CFHR3: variants seen among roughly 807,000 people sequenced by gnomAD.
The protein encoded by CFHR3 is complement factor H-related protein 3.
In CFHR3, 22 loss-of-function variants were observed where a neutral mutation model predicts 36.0. The observed-to-expected ratio is 0.61, with a 90% confidence interval of 0.44 to 0.87. CFHR3 has a LOEUF of 0.87. CFHR3 is among the 40% of genes least tolerant of loss of function. The pLI is 0.00. For synonymous variants in CFHR3, 97 were observed against 137.4 expected (o/e 0.71, Z 2.06); for missense variants, 276 against 401.3 (o/e 0.69, Z 2.67).
In CFHR3 at chr1:196,785,835, G is replaced by A. The variant is rs994454811; in HGVS notation, c.431-2381G>A. Among the ~76,000 whole-genome samples the A allele has an allele frequency of 1.2e-4, 17 of 137,220 alleles. 3 individuals carry two copies. The highest frequency in any genetic ancestry group is 1.7e-4 in the Non-Finnish European group (11 of 64,632). 90.0% of individuals were successfully genotyped at this position (137,220 alleles called of 152,430 possible). A position where few individuals can be genotyped will look rare whatever the true frequency, so the allele number is the denominator to read the frequency against. On this transcript the variant is annotated intron_variant, in intron 3 of 5. Coordinates refer to ENST00000367425, the MANE Select transcript of CFHR3 (RefSeq NM_021023.6). ...GTCATTCTCCGTCCAGCTTTGTTCCGTTGCTGGTGAGGAACTTTGTTCCTT... is the reference window on the plus strand; with the variant it reads ...GTCATTCTCCGTCCAGCTTTGTTCCATTGCTGGTGAGGAACTTTGTTCCTT...
In CFHR3 at chr1:196,792,865, A is replaced by G. The variant is rs111992622; in HGVS notation, c.797-452A>G. ...TACCTTTCTACAGTTCTGTTTCTAC[A>G]TTGTGGGCATAAGAGAAAAATATAA... On this transcript the variant is annotated intron_variant, in intron 5 of 5. Coordinates refer to ENST00000367425, the MANE Select transcript of CFHR3 (RefSeq NM_021023.6). Among the ~76,000 whole-genome samples the G allele has an allele frequency of 5.5e-3, 762 of 137,326 alleles. 202 individuals are homozygous for G. The highest frequency in any genetic ancestry group is 0.022 in the African/African-American group (737 of 33,078). The allele number at this position is 137,326 out of a possible 152,430, so 90.1% of individuals were successfully genotyped here. A position where few individuals can be genotyped will look rare whatever the true frequency, so the allele number is the denominator to read the frequency against.
Position 196,779,882 on chromosome 1 carries a change from C to T in CFHR3, c.339C>T (p.Ala113=), listed in dbSNP as rs947544441. The change falls in exon 3 of 6, where the codon GCC becomes GCT. Residue 113 remains alanine, a synonymous_variant. Transcript: ENST00000367425. ...KFVQGNSTEV[A]CHPGYGLPKA... ...TACAGGGTAACTCTACAGAAGTTGC[C>T]TGCCATCCTGGCTACGGTCTTCCAA... The T allele has an allele frequency of 1.3e-6, 2 of 1,533,266 alleles. No homozygotes were observed. Among genetic ancestry groups the T allele is most frequent in the South Asian group, 2.5e-5 (2 of 80,620 alleles). The allele number at this position is 1,533,266 out of a possible 1,614,324, so 95.0% of individuals were successfully genotyped here.
chr1:196,787,149 C>T lies in CFHR3; in HGVS notation c.431-1067C>T, dbSNP rs1353957635. Reference sequence around the variant, plus strand: ...AATTGAGACGAAAGATAATGGGAATCTTCCTACACCATTATAGGAGCAACT... The same window carrying T: ...AATTGAGACGAAAGATAATGGGAATTTTCCTACACCATTATAGGAGCAACT... On this transcript the variant is annotated intron_variant, in intron 3 of 5. Coordinates refer to ENST00000367425, the MANE Select transcript of CFHR3 (RefSeq NM_021023.6). 1.5e-5 allele frequency among the ~76,000 whole-genome samples: 2 copies of T among 137,188 alleles called. 1 individual carries two copies. Among genetic ancestry groups the T allele is most frequent in the Non-Finnish European group, 3.1e-5 (2 of 64,640 alleles). The allele number at this position is 137,188 out of a possible 152,430, so 90.0% of individuals were successfully genotyped here. A position where few individuals can be genotyped will look rare whatever the true frequency, so the allele number is the denominator to read the frequency against.
At chr1:196,789,580 C>T (rs536806925) in intron 4 of CFHR3, 8 of 1,217,626 alleles carry the variant, frequency 6.6e-6, no homozygotes, top group South Asian at 2.1e-5. Context: ...GTTAGTAAAT[C>T]GTTACATAAC....
At position 196,793,258 on chromosome 1, in the gene CFHR3, A is replaced by G. The variant is rs111307962; in HGVS notation, c.797-59A>G. ...TATCCTAAACTACTCATTAGGATGC[A>G]TTTTATTTGCTCATGAAAGAGAAAA... On this transcript the variant is annotated intron_variant, in intron 5 of 5. Transcript: ENST00000367425. 8.8e-4 allele frequency: 1,216 copies of G among 1,383,538 alleles called. 300 individuals carry two copies. The African/African-American group carries it at 0.02, about 22-fold the overall frequency. The allele number at this position is 1,383,538 out of a possible 1,614,324, so 85.7% of individuals were successfully genotyped here.
At chr1:196,782,516 C>T (rs144636196) in intron 3 of CFHR3, among the ~76,000 whole-genome samples, 38,026 of 135,048 alleles carry the variant, frequency 0.28, 10,776 homozygotes, top group East Asian at 0.51. Context: ...AGAGGTCCTT[C>T]GCGTCCCTTG....
At position 196,781,536 on chromosome 1, in the gene CFHR3, A is replaced by T. The variant is rs1653948221; in HGVS notation, c.430+1563A>T. Among the ~76,000 whole-genome samples the T allele has an allele frequency of 1.5e-5, 2 of 135,292 alleles. 1 individual carries two copies. Among genetic ancestry groups the T allele is most frequent in the African/African-American group, 6.3e-5 (2 of 31,936 alleles). The allele number at this position is 135,292 out of a possible 152,430, so 88.8% of individuals were successfully genotyped here. A position where few individuals can be genotyped will look rare whatever the true frequency, so the allele number is the denominator to read the frequency against. ...GTATCTCATTGTGGTTTTGATTTGC[A>T]TTTCTCTGATGGCCAGTGATGGTGA... On this transcript the variant is annotated intron_variant, in intron 3 of 5. Transcript: ENST00000367425.
chr1:196,786,284 G>A lies in CFHR3; in HGVS notation c.431-1932G>A, dbSNP rs546922202. The stretch of plus-strand genomic sequence containing the variant: ...ACCAACTTGAGGAGGCAGTCTGCCC[G>A]TTCTCAGATCTCCAGCTGCGTGCTG... On this transcript the variant is annotated intron_variant, in intron 3 of 5. Coordinates refer to ENST00000367425, the MANE Select transcript of CFHR3 (RefSeq NM_021023.6). Among the ~76,000 whole-genome samples the A allele has an allele frequency of 6.6e-5, 9 of 135,422 alleles. 2 individuals carry two copies. The highest frequency in any genetic ancestry group is 1.3e-4 in the African/African-American group (4 of 31,908). 88.8% of individuals were successfully genotyped at this position (135,422 alleles called of 152,430 possible).
chr1:196,788,907 C>T lies in CFHR3; in HGVS notation c.613+509C>T. On this transcript the variant is annotated intron_variant, in intron 4 of 5. Coordinates refer to ENST00000367425, the MANE Select transcript of CFHR3 (RefSeq NM_021023.6). ...ATCCAATCAAAAAATTATCTCTACC[C>T]TATTGTTTACTACAGAGAAAACAAG... is the stretch of plus-strand genomic sequence containing the variant. 3.5e-6 allele frequency: 5 copies of T among 1,418,336 alleles called. 1 individual carries two copies. Among genetic ancestry groups the T allele is most frequent in the East Asian group, 2.5e-5 (1 of 40,118 alleles). 87.9% of individuals were successfully genotyped at this position (1,418,336 alleles called of 1,614,324 possible). A position where few individuals can be genotyped will look rare whatever the true frequency, so the allele number is the denominator to read the frequency against.
At chr1:196,788,682 A>C in intron 4 of CFHR3, 5 of 1,454,272 alleles carry the variant, frequency 3.4e-6, no homozygotes, top group Non-Finnish European at 4.6e-6. Flanking sequence ...GTATCAGCAA[A>C]ATATGTTAGT....
Position 196,794,309 on chromosome 1 carries a change from A to G in CFHR3, c.*796A>G, listed in dbSNP as rs1654520911. 7.3e-6 allele frequency among the ~76,000 whole-genome samples: 1 copy of G among 136,110 alleles called. No homozygotes were observed. Among genetic ancestry groups the G allele is most frequent in the South Asian group, 2.5e-4 (1 of 3,922 alleles). 89.3% of individuals were successfully genotyped at this position (136,110 alleles called of 152,430 possible). ...GAAACCCTGTCTCTACTAAAAATAGAAAAACTAGCTCGGCATGATGGCGTG... is the reference window on the plus strand; with the variant it reads ...GAAACCCTGTCTCTACTAAAAATAGGAAAACTAGCTCGGCATGATGGCGTG... On this transcript the variant is annotated 3_prime_UTR_variant, in exon 6 of 6. Transcript: ENST00000367425.
chr1:196,777,982 T>TAAAAAAAA (rs202127437), intron 1 of CFHR3, among the ~76,000 whole-genome samples: 1 of 89,882 alleles, frequency 1.1e-5, no homozygotes, highest in African/African-American at 5.0e-5. Context: ...ACAAGACTGT[T>TAAAAAAAA]AAAAAAAAAA....
chr1:196,777,401 G>C lies in CFHR3; in HGVS notation c.59-1761G>C, dbSNP rs1431224306. On this transcript the variant is annotated intron_variant, in intron 1 of 5. Transcript: ENST00000367425. ...GTTGCCTCTAAATTCCTTTTAAACT[G>C]ATCATTTTCAGTACCCAATGCATTA... is the stretch of plus-strand genomic sequence containing the variant. Among the ~76,000 whole-genome samples, 4 of 136,374 alleles carry C rather than the reference G, an allele frequency of 2.9e-5. 1 individual carries two copies. Among genetic ancestry groups the C allele is most frequent in the Admixed American group, 2.1e-4 (3 of 14,134 alleles). The allele number at this position is 136,374 out of a possible 152,430, so 89.5% of individuals were successfully genotyped here.
chr1:196,776,834 GATAT>G (rs35001925), intron 1 of CFHR3, among the ~76,000 whole-genome samples: 4 of 128,128 alleles, frequency 3.1e-5, no homozygotes, highest in Admixed American at 7.5e-5. Flanking sequence ...TTTACTCAAG[GATAT>G]ATATATATAT....
In CFHR3 at chr1:196,779,347, C is replaced by T. The variant is rs1219421960; in HGVS notation, c.244C>T (p.Pro82Ser). The T allele has an allele frequency of 2.0e-6, 3 of 1,508,934 alleles. No individual in the cohort carries two copies. The highest frequency in any genetic ancestry group is 9.0e-7 in the Non-Finnish European group (1 of 1,112,010). The allele number at this position is 1,508,934 out of a possible 1,614,324, so 93.5% of individuals were successfully genotyped here. ...ACAAAATGGGTGGTCACCAGCAGTA[C>T]CATGTCTCAGTAAGTAATCCTCTGA... ...CTQNGWSPAV[P>S]CLRKCYFPYL... is the part of the protein sequence containing the mutation. Residue 82 changes from proline (P) to serine (S), a missense_variant, in exon 2 of 6, where the codon CCA becomes TCA. Around this residue, in one of 3 missense-constraint regions of CFHR3, gnomAD observed 178 missense variants for 247.2 expected, o/e 0.72. Coordinates refer to ENST00000367425, the MANE Select transcript of CFHR3 (RefSeq NM_021023.6).
chr1:196,787,099 A>T lies in CFHR3; in HGVS notation c.431-1117A>T, dbSNP rs1654236455. Among the ~76,000 whole-genome samples the T allele has an allele frequency of 1.5e-5, 2 of 137,668 alleles. 1 individual carries two copies. The highest frequency in any genetic ancestry group is 3.1e-5 in the Non-Finnish European group (2 of 64,772). 90.3% of individuals were successfully genotyped at this position (137,668 alleles called of 152,430 possible). A position where few individuals can be genotyped will look rare whatever the true frequency, so the allele number is the denominator to read the frequency against. ...TGCAATTTACAAAACATTCCATTATAGAAACCGCATAATAATTATGGAATA... is the reference window on the plus strand; with the variant it reads ...TGCAATTTACAAAACATTCCATTATTGAAACCGCATAATAATTATGGAATA... On this transcript the variant is annotated intron_variant, in intron 3 of 5. Coordinates refer to ENST00000367425, the MANE Select transcript of CFHR3 (RefSeq NM_021023.6).
At chr1:196,782,556 T>A (rs1224051931) in intron 3 of CFHR3, among the ~76,000 whole-genome samples, 1 of 136,946 alleles carries the variant, frequency 7.3e-6, no homozygotes, top group Non-Finnish European at 1.5e-5. Flanking sequence ...TTTTATTCTC[T>A]TTGAAGCAAT....
chr1:196,779,715 G>T lies in CFHR3; in HGVS notation c.254-82G>T. ...TGTTTATGCGATCTTATTTAAATATGGTAACAATAATTTTAATATACTTTT... is the reference window on the plus strand; with the variant it reads ...TGTTTATGCGATCTTATTTAAATATTGTAACAATAATTTTAATATACTTTT... On this transcript the variant is annotated intron_variant, in intron 2 of 5. Transcript: ENST00000367425. The T allele has an allele frequency of 1.4e-6, 2 of 1,390,826 alleles. 1 individual carries two copies. The highest frequency in any genetic ancestry group is 1.9e-6 in the Non-Finnish European group (2 of 1,044,622). The allele number at this position is 1,390,826 out of a possible 1,614,324, so 86.2% of individuals were successfully genotyped here. A position where few individuals can be genotyped will look rare whatever the true frequency, so the allele number is the denominator to read the frequency against.
rs2124851847 is a variant in CFHR3 at position 196,784,560 on chromosome 1, G to C, written c.431-3656G>C. On this transcript the variant is annotated intron_variant, in intron 3 of 5. Coordinates refer to ENST00000367425, the MANE Select transcript of CFHR3 (RefSeq NM_021023.6). The stretch of plus-strand genomic sequence containing the variant: ...TTGATCCCTTTACCATTATGTAATG[G>C]CCTTCTTTGTCTCTTTTGATCTTTG... 1.5e-5 allele frequency among the ~76,000 whole-genome samples: 2 copies of C among 135,878 alleles called. 1 individual carries two copies. The highest frequency in any genetic ancestry group is 6.2e-5 in the African/African-American group (2 of 32,232). The allele number at this position is 135,878 out of a possible 152,430, so 89.1% of individuals were successfully genotyped here. A position where few individuals can be genotyped will look rare whatever the true frequency, so the allele number is the denominator to read the frequency against.
Sources: allele counts gnomAD v4.1 joint callset (sites outside exome capture counted in the v4.1 genomes callset), GRCh38; gene constraint gnomAD v4.1.1; regional missense constraint gnomAD v4.1.1; transcripts MANE v1.5; gene names NCBI Gene and HGNC (gene_info 2026-07-23, HGNC 2026-07-21).